LRP6: variants seen among roughly 807,000 people sequenced by gnomAD.
The protein encoded by LRP6 is LDL receptor related protein 6, also known as low-density lipoprotein receptor-related protein 6.
Under a neutral mutation model 184.1 loss-of-function variants are expected in LRP6, and 43 were observed. The ratio of observed to expected loss-of-function variants is 0.23; its 90% CI spans 0.18 to 0.30. The LOEUF is 0.30. Among genes scored for constraint, LRP6 ranks in the 10% least tolerant of loss-of-function variants. The pLI is 1.00. For synonymous variants in LRP6, 719 were observed against 684.9 expected, an observed-to-expected ratio of 1.05 and a Z score of -0.78; for missense variants, 1,571 against 2,005.3, an observed-to-expected ratio of 0.78 and a Z score of 4.14.
intron 2 of LRP6, among the ~76,000 whole-genome samples, chr12:12,212,698 G>A (rs1285958459): frequency 6.6e-6 from 1 of 152,044 alleles, no homozygotes; most frequent in African/African-American, 2.4e-5. Flanking sequence ...ACTCAAATCT[G>A]GAAGCTATAT....
intron 2 of LRP6, among the ~76,000 whole-genome samples, chr12:12,228,629 T>C (rs1864693909): frequency 6.6e-6 from 1 of 152,206 alleles, no homozygotes; most frequent in Non-Finnish European, 1.5e-5. Flanking sequence ...CTCTGCCTCC[T>C]GTCACATCAG....
chr12:12,242,701 A>C (rs541377212), intron 2 of LRP6, among the ~76,000 whole-genome samples: 1 of 152,308 alleles, frequency 6.6e-6, no homozygotes, highest in African/African-American at 2.4e-5. Flanking sequence ...GAGCCACTAC[A>C]ATATTTCCTG....
At chr12:12,142,973 G>C (rs1351357387) in intron 15 of LRP6, among the ~76,000 whole-genome samples, 1 of 151,548 alleles carries the variant, frequency 6.6e-6, no homozygotes. Context: ...GCCAGTATAA[G>C]GAAAGAAAAA....
intron 12 of LRP6, chr12:12,155,299 AC>A: frequency 1.3e-6 from 1 of 754,634 alleles, no homozygotes; most frequent in South Asian, 1.3e-5. Context: ...GGCACCCGAT[AC>A]GTGTTCTCTA....
intron 13 of LRP6, among the ~76,000 whole-genome samples, chr12:12,149,716 C>A (rs1328822577): frequency 6.6e-6 from 1 of 152,188 alleles, no homozygotes; most frequent in African/African-American, 2.4e-5. Flanking sequence ...AGAAACCCTG[C>A]TCTAGAGATA....
chr12:12,143,634 G>C (rs1949963272), intron 15 of LRP6, among the ~76,000 whole-genome samples: 1 of 151,994 alleles, frequency 6.6e-6, no homozygotes, highest in Non-Finnish European at 1.5e-5. Flanking sequence ...GTAGGGAAAG[G>C]ACAGTCTTTC....
At position 12,196,523 on chromosome 12, in the gene LRP6, C is replaced by T. The variant is rs547226712; in HGVS notation, c.647+6680G>A. ...AGTTTGTTGTTTGTGTATAGAAATG[C>T]TACTGATCTTTTTGTGTTGATTTTG... is the stretch of plus-strand genomic sequence containing the variant. On this transcript the variant is annotated intron_variant, in intron 3 of 22. Coordinates refer to ENST00000261349, the MANE Select transcript of LRP6 (RefSeq NM_002336.3). 5.3e-5 allele frequency among the ~76,000 whole-genome samples: 8 copies of T among 151,924 alleles called. No homozygotes were observed. The South Asian group carries it at 1.5e-3, about 28-fold the overall frequency.
chr12:12,165,192 C>A lies in LRP6; in HGVS notation c.1649G>T (p.Trp550Leu), dbSNP rs2136952543. The A allele has an allele frequency of 6.2e-7, 1 of 1,613,982 alleles. No individual in the cohort carries two copies. The highest frequency in any genetic ancestry group is 1.6e-4 in the Middle Eastern group (1 of 6,062). The change falls in exon 8 of 23, where the codon TGG becomes TTG. Residue 550 changes from tryptophan to leucine, a missense_variant. Trp to Leu is a moderately conservative substitution (Grantham distance 61). This residue lies in a region of LRP6 where 640 missense variants were observed against 851.9 expected (regional missense o/e 0.75). Transcript: ENST00000261349. ...AACTCTTTCAATGCTACGCCTCTGC[C>A]AGTCAGTCCAGTAAACATAGTCACC... ...LLGDYVYWTDWQRRSIERVHK... is the reference protein window; with the variant it reads ...LLGDYVYWTDLQRRSIERVHK...
chr12:12,233,803 G>A (rs1306128833), intron 2 of LRP6, among the ~76,000 whole-genome samples: 1 of 151,974 alleles, frequency 6.6e-6, no homozygotes, highest in Non-Finnish European at 1.5e-5. Context: ...GGAAAATAAA[G>A]TATTTACAAG....
At chr12:12,162,557 A>C in intron 9 of LRP6, 138 bp from the exon 10 acceptor site, 2 of 719,772 alleles carry the variant, frequency 2.8e-6, no homozygotes, top group Non-Finnish European at 4.9e-6. Context: ...TAAAATTCAC[A>C]TAACTTGCAA....
Position 12,159,879 on chromosome 12 carries a change from T to A in LRP6, c.2365A>T (p.Asn789Tyr). The change falls in exon 11 of 23, where the codon AAT (asparagine) becomes TAT (tyrosine). Residue 789 changes from asparagine to tyrosine, a missense_variant. Asn to Tyr is a moderately radical substitution (Grantham distance 143). Coordinates refer to ENST00000261349, the MANE Select transcript of LRP6 (RefSeq NM_002336.3). Reference protein sequence around the residue: ...DGSERTTLVPNVGRANGLTID... With the variant: ...DGSERTTLVPYVGRANGLTID... Reference sequence around the variant, plus strand: ...GTTAGGCCGTTTGCCCGCCCCACATTTGGAACTAAGGTAGTACGTTCACTT... The same window carrying A: ...GTTAGGCCGTTTGCCCGCCCCACATATGGAACTAAGGTAGTACGTTCACTT... 1 of 1,614,110 alleles carries A rather than the reference T, an allele frequency of 6.2e-7. No individual in the cohort carries two copies.
intron 2 of LRP6, among the ~76,000 whole-genome samples, chr12:12,234,864 G>A (rs1223766772): frequency 1.3e-5 from 2 of 149,860 alleles, no homozygotes; most frequent in Admixed American, 6.6e-5. Context: ...TTCTGAGAAC[G>A]GAGATATAAT....
At chr12:12,244,015 C>G (rs1865126202) in intron 2 of LRP6, among the ~76,000 whole-genome samples, 1 of 152,122 alleles carries the variant, frequency 6.6e-6, no homozygotes, top group Non-Finnish European at 1.5e-5. Flanking sequence ...GCCTGGGAGG[C>G]TGACAGTGCA....
intron 7 of LRP6, among the ~76,000 whole-genome samples, chr12:12,170,839 G>A (rs1431518295): frequency 6.9e-6 from 1 of 145,080 alleles, no homozygotes; most frequent in Non-Finnish European, 1.5e-5. Context: ...ACACGTCTTA[G>A]ATGAAAAAAA....
chr12:12,129,943 G>A (rs566740791), intron 19 of LRP6, among the ~76,000 whole-genome samples: 20 of 152,200 alleles, frequency 1.3e-4, no homozygotes, highest in African/African-American at 4.3e-4. Context: ...CATTTCTACT[G>A]CCACCTGTGT....
chr12:12,201,351 T>C (rs1195486941), intron 3 of LRP6, among the ~76,000 whole-genome samples: 3 of 152,192 alleles, frequency 2.0e-5, no homozygotes, highest in South Asian at 2.1e-4. Flanking sequence ...TAGACTGCTC[T>C]AGCTTCTTCT....
Position 12,120,035 on chromosome 12 carries a change from AT to A in LRP6, c.*1090del, listed in dbSNP as rs1565519384. ...TATATATATATATATATATATATATATATATATAAATGATTTCGTACTGTGA... is the reference window on the plus strand; with the variant it reads ...TATATATATATATATATATATATATAATATATAAATGATTTCGTACTGTGA... On this transcript the variant is annotated 3_prime_UTR_variant, in exon 23 of 23. Coordinates refer to ENST00000261349, the MANE Select transcript of LRP6 (RefSeq NM_002336.3). 79 of 123,814 alleles carry A rather than the reference AT, an allele frequency of 6.4e-4. No individual in the cohort carries two copies. The highest frequency in any genetic ancestry group is 2.3e-3 in the African/African-American group (73 of 32,316). The allele number at this position is 123,814 out of a possible 1,614,324, so 7.7% of individuals were successfully genotyped here.
intron 7 of LRP6, among the ~76,000 whole-genome samples, chr12:12,173,261 A>C (rs758722533): frequency 3.4e-4 from 52 of 152,260 alleles, no homozygotes; most frequent in Non-Finnish European, 7.1e-4. Context: ...AGGCCCCAAA[A>C]ACCTAATAGG....
At chr12:12,238,225 A>G (rs1300407369) in intron 2 of LRP6, among the ~76,000 whole-genome samples, 1 of 66,048 alleles carries the variant, frequency 1.5e-5, no homozygotes, top group African/African-American at 7.0e-5. Flanking sequence ...GGTACAAAAG[A>G]AAAAAAAAAA....
Sources: allele counts gnomAD v4.1 joint callset (sites outside exome capture counted in the v4.1 genomes callset), GRCh38; gene constraint gnomAD v4.1.1; regional missense constraint gnomAD v4.1.1; transcripts MANE v1.5; gene names NCBI Gene and HGNC (gene_info 2026-07-23, HGNC 2026-07-21).